The following TAS1R2 variants were observed in gnomAD, a reference collection of about 807,000 sequenced individuals.
TAS1R2 encodes taste 1 receptor member 2.
A neutral mutation model predicts 49.3 loss-of-function variants in TAS1R2; 47 were observed. The ratio of observed to expected loss-of-function variants is 0.95; its 90% CI spans 0.75 to 1.22. TAS1R2 has a LOEUF of 1.22. TAS1R2 is among the 50% of genes most tolerant of loss of function. The pLI, the probability that TAS1R2 is intolerant of heterozygous loss-of-function variation, is 0.00. For synonymous variants in TAS1R2, 479 were observed against 467.9 expected, an observed-to-expected ratio of 1.02 and a Z score of -0.31; for missense variants, 1,155 against 1,122.1, an observed-to-expected ratio of 1.03 and a Z score of -0.42.
intron 4 of TAS1R2, among the ~76,000 whole-genome samples, chr1:18,842,807 G>A (rs1442359206): frequency 6.6e-6 from 1 of 152,176 alleles, no homozygotes; most frequent in Non-Finnish European, 1.5e-5. Flanking sequence ...AAGAAATGGG[G>A]AGTTGTTCAA....
rs968855809 is a variant in TAS1R2 at position 18,840,255 on chromosome 1, C to T, written c.1864G>A (p.Val622Met). 8 of 1,613,912 alleles carry T rather than the reference C, an allele frequency of 5.0e-6. No homozygotes were observed. Among genetic ancestry groups the T allele is most frequent in the African/African-American group, 4.0e-5 (3 of 74,926 alleles). ...CAGGTGGAGACCTTGGGCGGCCCCACGTACACCGGGACCACCATGTATGCC... is the reference window on the plus strand; with the variant it reads ...CAGGTGGAGACCTTGGGCGGCCCCATGTACACCGGGACCACCATGTATGCC... The change falls in exon 6 of 6, where the codon GTG becomes ATG. Residue 622 changes from valine to methionine, a missense_variant. Val to Met is a conservative substitution (Grantham distance 21). Coordinates refer to ENST00000375371, the Ensembl canonical transcript of TAS1R2.
chr1:18,853,700 G>A (rs901924155), intron 3 of TAS1R2, among the ~76,000 whole-genome samples: 2 of 152,196 alleles, frequency 1.3e-5, no homozygotes, highest in South Asian at 2.1e-4. Flanking sequence ...CGTCTCTAAT[G>A]TAAATCCCCC....
intron 3 of TAS1R2, 74 bp from the exon 4 acceptor site, chr1:18,849,624 A>G: frequency 6.6e-7 from 1 of 1,511,718 alleles, no homozygotes; most frequent in Non-Finnish European, 9.1e-7. Flanking sequence ...GACCTGGGAA[A>G]GATTCTACCA....
chr1:18,853,513 G>GTTA (rs1934068425), intron 3 of TAS1R2, among the ~76,000 whole-genome samples: 1 of 152,194 alleles, frequency 6.6e-6, no homozygotes. Flanking sequence ...GAAGTGAACA[G>GTTA]TTATTTGAGG....
Position 18,854,279 on chromosome 1 carries a change from A to G in TAS1R2, c.1191T>C (p.His397=), listed in dbSNP as rs113133877. The change falls in exon 3 of 6, where the codon CAT becomes CAC. Residue 397 remains histidine, a synonymous_variant. Coordinates refer to ENST00000375371, the Ensembl canonical transcript of TAS1R2. This position sits in a 1 kb window ranked among gnomAD's most constrained non-coding sequence, Gnocchi z 4.9. ...CACAGCCGAGGAGGCTGTGCAGGGCATGGGCCACAGCATAGACCGCAGAGT... is the reference window on the plus strand; with the variant it reads ...CACAGCCGAGGAGGCTGTGCAGGGCGTGGGCCACAGCATAGACCGCAGAGT... 1.2e-6 allele frequency: 2 copies of G among 1,614,184 alleles called. No individual in the cohort carries two copies. Among genetic ancestry groups the G allele is most frequent in the Non-Finnish European group, 1.7e-6 (2 of 1,180,022 alleles).
At chr1:18,840,414 C>T in exon 6 of TAS1R2, 2 of 1,614,184 alleles carry the variant, frequency 1.2e-6, no homozygotes, top group Non-Finnish European at 1.7e-6. Flanking sequence ...AGCAGGGCCA[C>T]AGCGATGGTG....
intron 3 of TAS1R2, among the ~76,000 whole-genome samples, chr1:18,852,332 C>T (rs1338857225): frequency 6.6e-6 from 1 of 152,200 alleles, no homozygotes; most frequent in Admixed American, 6.5e-5. Context: ...CTGGGAGGAA[C>T]AGCTGGAGTC....
In TAS1R2 at chr1:18,857,382, G is replaced by A. The variant is rs778530316; in HGVS notation, c.432C>T (p.Ser144=). 57 of 1,614,076 alleles carry A rather than the reference G, an allele frequency of 3.5e-5. No individual in the cohort carries two copies. Among genetic ancestry groups the A allele is most frequent in the Non-Finnish European group, 4.4e-5 (52 of 1,180,040 alleles). ...AGTTGGCCACAGTCATGACAGACTC[G>A]GAGTTGTCAGGGCCAATGACAGCCA... Residue 144 remains serine, a synonymous_variant, in exon 2 of 6, where the codon TCC becomes TCT. Transcript: ENST00000375371.
rs1277948031 is a variant in TAS1R2, at chr1:18,854,102, C to T, written c.1257+111G>A. On this transcript the variant is annotated intron_variant, in intron 3 of 5. Transcript: ENST00000375371. This position sits in a 1 kb window ranked among gnomAD's most constrained non-coding sequence, Gnocchi z 4.9. ...GTTTTGGCACCAGGAAGGACTAGTG[C>T]TATGTGTCTGGAAGAATGGGATACT... 2.8e-6 allele frequency: 3 copies of T among 1,066,642 alleles called. No individual in the cohort carries two copies. The highest frequency in any genetic ancestry group is 5.1e-5 in the East Asian group (2 of 38,892). 66.1% of individuals were successfully genotyped at this position (1,066,642 alleles called of 1,614,324 possible).
intron 4 of TAS1R2, among the ~76,000 whole-genome samples, chr1:18,842,603 C>A (rs1282576356): frequency 6.6e-6 from 1 of 152,140 alleles, no homozygotes; most frequent in East Asian, 1.9e-4. Flanking sequence ...AACAACATAC[C>A]CTTAAATAAC....
intron 4 of TAS1R2, among the ~76,000 whole-genome samples, chr1:18,845,957 C>T (rs1023582021): frequency 1.3e-5 from 2 of 152,148 alleles, no homozygotes; most frequent in African/African-American, 2.4e-5. Context: ...TGGCTAAGTC[C>T]GCCAAACTCC....
At chr1:18,839,969 A>G (rs769728125) in exon 6 of TAS1R2, 3 of 1,614,092 alleles carry the variant, frequency 1.9e-6, no homozygotes, top group Admixed American at 1.7e-5. Flanking sequence ...ACAGGAGACA[A>G]TTGTGATCTT....
chr1:18,844,636 C>T (rs1195067083), intron 4 of TAS1R2, among the ~76,000 whole-genome samples: 1 of 152,300 alleles, frequency 6.6e-6, no homozygotes, highest in South Asian at 2.1e-4. Flanking sequence ...TTTCTGTAAT[C>T]CCAGCTACTT....
intron 2 of TAS1R2, 67 bp from the exon 3 acceptor site, chr1:18,855,053 C>G: frequency 1.3e-6 from 2 of 1,549,452 alleles, no homozygotes; most frequent in East Asian, 4.5e-5. Flanking sequence ...CCCCAGGGCT[C>G]TATCCACCAT....
exon 6 of TAS1R2, chr1:18,840,426 G>C: frequency 6.2e-7 from 1 of 1,614,184 alleles, no homozygotes; most frequent in Non-Finnish European, 8.5e-7. Context: ...GCGATGGTGG[G>C]TGCCTCATGC....
intron 1 of TAS1R2, chr1:18,858,350 C>T (rs1569683310): frequency 1.3e-5 from 2 of 152,820 alleles, no homozygotes; most frequent in African/African-American, 4.8e-5. Flanking sequence ...CCATCACCAG[C>T]ATCACTACCA....
Position 18,854,547 on chromosome 1 carries a change from G to A in TAS1R2, c.923C>T (p.Pro308Leu), listed in dbSNP as rs763431159. The A allele has an allele frequency of 9.3e-6, 15 of 1,613,556 alleles. No individual in the cohort carries two copies. The highest frequency in any genetic ancestry group is 1.7e-5 in the Admixed American group (1 of 59,988). The change falls in exon 3 of 6, where the codon CCG (proline) becomes CTG (leucine). Residue 308 changes from proline (P) to leucine (L), a missense_variant. By Grantham distance (98) the Pro-to-Leu change is moderately conservative. Transcript: ENST00000375371. This position sits in a 1 kb window ranked among gnomAD's most constrained non-coding sequence, Gnocchi z 4.9. ...CAGCTCCGTGAGGTTGTGCAGGACC[G>A]GGTCGATGGCCCAGGACTCGGAGGC...
chr1:18,848,978 TG>T (rs1933971405), intron 4 of TAS1R2, among the ~76,000 whole-genome samples: 1 of 152,204 alleles, frequency 6.6e-6, no homozygotes, highest in African/African-American at 2.4e-5. Flanking sequence ...TCCCAGTCTG[TG>T]GAAAAATTGT....
chr1:18,845,967 C>T (rs550565194), intron 4 of TAS1R2, among the ~76,000 whole-genome samples: 2 of 152,264 alleles, frequency 1.3e-5, no homozygotes, highest in South Asian at 4.1e-4. Context: ...CGCCAAACTC[C>T]CTTTCTGTTA....
Sources: allele counts gnomAD v4.1 joint callset (sites outside exome capture counted in the v4.1 genomes callset), GRCh38; gene constraint gnomAD v4.1.1; non-coding constraint Gnocchi (gnomAD v3.1); transcripts MANE v1.5; gene names NCBI Gene and HGNC (gene_info 2026-07-23, HGNC 2026-07-21).